NLRC3: variants seen among roughly 807,000 people sequenced by gnomAD.
The protein encoded by NLRC3 is NLR family CARD domain-containing protein 3.
NLRC3 carries 87 observed loss-of-function variants against 91.6 expected under a neutral mutation model. The ratio of observed to expected loss-of-function variants is 0.95; its 90% CI spans 0.80 to 1.14. The LOEUF (loss-of-function observed/expected upper bound fraction) is 1.14. NLRC3 is among the 50% of genes most tolerant of loss of function. The pLI is 0.00. For synonymous variants in NLRC3, 694 were observed against 625.3 expected (o/e 1.11, Z -1.64); for missense variants, 1,577 against 1,418.6 (o/e 1.11, Z -1.79).
At chr16:3,571,521 G>A (rs2040095333) in intron 1 of NLRC3, among the ~76,000 whole-genome samples, 1 of 149,004 alleles carries the variant, frequency 6.7e-6, no homozygotes, top group Non-Finnish European at 1.5e-5. Flanking sequence ...TCCAGCTTGG[G>A]TGACAGAGCA....
chr16:3,556,280 A>T (rs1265353669), intron 8 of NLRC3, among the ~76,000 whole-genome samples: 1 of 126,004 alleles, frequency 7.9e-6, no homozygotes, highest in Non-Finnish European at 1.6e-5. Context: ...GCAGTGAGAC[A>T]AGATCTCCAG....
Position 3,549,694 on chromosome 16 carries a change from T to C in NLRC3, c.2519+3A>G. On this transcript the variant is annotated splice_donor_region_variant and intron_variant, in intron 12 of 19. Coordinates refer to ENST00000359128, the MANE Select transcript of NLRC3 (RefSeq NM_178844.4). ...CTGTTTGGAGAGGGTGGCCAGGACT[T>C]ACCTGAGGCTGAGGAGGGTCTGGTT... The C allele has an allele frequency of 6.5e-7, 1 of 1,549,738 alleles. No homozygotes were observed. The highest frequency in any genetic ancestry group is 8.7e-7 in the Non-Finnish European group (1 of 1,145,346).
intron 6 of NLRC3, among the ~76,000 whole-genome samples, chr16:3,560,821 G>A (rs1375320861): frequency 3.3e-5 from 5 of 151,270 alleles, no homozygotes; most frequent in Admixed American, 6.6e-5. Context: ...CACCACGCCC[G>A]GCTAATTTTT....
intron 8 of NLRC3, among the ~76,000 whole-genome samples, chr16:3,556,229 G>A (rs1424554143): frequency 2.8e-5 from 4 of 143,354 alleles, no homozygotes; most frequent in Non-Finnish European, 4.5e-5. Context: ...TACTTGGAAG[G>A]CTGAGGCAGG....
In NLRC3 at chr16:3,548,532, C is replaced by T. The variant is rs1456378201; in HGVS notation, c.2687+138G>A. On this transcript the variant is annotated intron_variant, in intron 14 of 19. Transcript: ENST00000359128. Reference sequence around the variant, plus strand: ...AGGATGGGGCACAGTCTGCTGGCAGCAGGCTAGCCCGGGCAGCCCCTGAGA... The same window carrying T: ...AGGATGGGGCACAGTCTGCTGGCAGTAGGCTAGCCCGGGCAGCCCCTGAGA... 1.4e-5 allele frequency: 9 copies of T among 663,792 alleles called. No individual in the cohort carries two copies. In the East Asian group the frequency reaches 1.9e-4, roughly 14 times the overall value. 41.1% of individuals were successfully genotyped at this position (663,792 alleles called of 1,614,324 possible).
chr16:3,545,358 G>A (rs2038638371), intron 15 of NLRC3: 1 of 152,006 alleles, frequency 6.6e-6, no homozygotes, highest in Non-Finnish European at 1.5e-5. Flanking sequence ...AAATTAGCTG[G>A]GAGTGGTGGA....
chr16:3,565,086 T>C (rs1430660814), intron 3 of NLRC3, 26 bp from the exon 4 acceptor site: 1 of 1,550,624 alleles, frequency 6.4e-7, no homozygotes, highest in Non-Finnish European at 8.8e-7. Flanking sequence ...CTGAACCTGC[T>C]GCCTGCCGTG....
chr16:3,577,042 C>T (rs1410924104), intron 1 of NLRC3, 107 bp downstream of exon 1: 4 of 697,944 alleles, frequency 5.7e-6, no homozygotes, highest in East Asian at 2.7e-5. Context: ...TGGAGTCTCC[C>T]CAGTCCCCCT....
chr16:3,575,013 C>T (rs1036155246), intron 1 of NLRC3, among the ~76,000 whole-genome samples: 21 of 152,096 alleles, frequency 1.4e-4, no homozygotes, highest in Non-Finnish European at 2.8e-4. Flanking sequence ...TTCAGATAAA[C>T]GACATATAAT....
At position 3,557,681 on chromosome 16, in the gene NLRC3, C is replaced by A; in HGVS notation, c.2016-5G>T. 6.2e-7 allele frequency: 1 copy of A among 1,607,672 alleles called. No individual in the cohort carries two copies. Among genetic ancestry groups the A allele is most frequent in the Non-Finnish European group, 8.5e-7 (1 of 1,174,612 alleles). On this transcript the variant is annotated splice_region_variant and splice_polypyrimidine_tract_variant and intron_variant, in intron 6 of 19. Transcript: ENST00000359128. ...CTGATCTGGTTCTCCGCCAAGCTGC[C>A]CAAGGAAAGGGAGAGGAGTGGTTAT...
intron 14 of NLRC3, 118 bp from the exon 15 acceptor site, chr16:3,548,336 C>G: frequency 5.2e-6 from 4 of 776,172 alleles, no homozygotes; most frequent in Non-Finnish European, 8.6e-6. Context: ...CAGGAGAATT[C>G]CTGCAACCCC....
At chr16:3,559,840 G>A (rs2039524740) in intron 6 of NLRC3, among the ~76,000 whole-genome samples, 1 of 151,434 alleles carries the variant, frequency 6.6e-6, no homozygotes, top group African/African-American at 2.4e-5. Context: ...ACAGGGTTTT[G>A]CCAGTTTGAC....
At chr16:3,550,116 C>T (rs907093047) in intron 11 of NLRC3, among the ~76,000 whole-genome samples, 1 of 152,186 alleles carries the variant, frequency 6.6e-6, no homozygotes, top group East Asian at 1.9e-4. Flanking sequence ...GTGGGTGTAG[C>T]GCTGAGCTCT....
chr16:3,563,803 C>T lies in NLRC3; in HGVS notation c.1134G>A (p.Glu378=), dbSNP rs746746148. 10 of 1,610,892 alleles carry T rather than the reference C, an allele frequency of 6.2e-6. No individual in the cohort carries two copies. The highest frequency in any genetic ancestry group is 3.3e-5 in the South Asian group (3 of 90,812). Residue 378 remains glutamate (E), a synonymous_variant, in exon 5 of 20, where the codon GAG becomes GAA. Transcript: ENST00000359128. The part of the protein sequence containing the change: ...FRMALSGEGQ[E]KGKASPRIEQ... The stretch of plus-strand genomic sequence containing the variant: ...CGATGCGAGGGCTTGCCTTGCCCTT[C>T]TCCTGCCCCTCCCCGCTGAGGGCCA...
At chr16:3,565,141 C>T (rs141152332) in intron 3 of NLRC3, 81 bp from the exon 4 acceptor site, 20 of 1,082,504 alleles carry the variant, frequency 1.8e-5, no homozygotes, top group East Asian at 1.0e-4. Flanking sequence ...TCCCCAGGAA[C>T]GGGGTCAGGG....
intron 5 of NLRC3, 178 bp downstream of exon 5, chr16:3,562,831 C>T: frequency 1.4e-6 from 1 of 708,798 alleles, no homozygotes; most frequent in Non-Finnish European, 2.5e-6. Context: ...TGATTTGAGA[C>T]TTCTGGCCTC....
At chr16:3,549,491 C>T (rs989997080) in intron 12 of NLRC3, among the ~76,000 whole-genome samples, 4 of 152,090 alleles carry the variant, frequency 2.6e-5, no homozygotes, top group African/African-American at 7.2e-5. Context: ...GGTGGCTCAG[C>T]GTGCATCTGG....
In NLRC3 at chr16:3,565,301, C is replaced by T; in HGVS notation, c.-25+18G>A. ...GATAACTGGGGCCCTGAGCTTGTAC[C>T]CCGGCCCTGCCACTTACCAGATAGG... On this transcript the variant is annotated intron_variant, in intron 3 of 19. Transcript: ENST00000359128. 1 of 667,576 alleles carries T rather than the reference C, an allele frequency of 1.5e-6. No individual in the cohort carries two copies. The allele number at this position is 667,576 out of a possible 1,614,324, so 41.4% of individuals were successfully genotyped here.
At chr16:3,573,011 CAAAAAA>C (rs58940028) in intron 1 of NLRC3, among the ~76,000 whole-genome samples, 3 of 75,264 alleles carry the variant, frequency 4.0e-5, no homozygotes, top group African/African-American at 1.0e-4. Context: ...GACTCTATCT[CAAAAAA>C]AAAAAAAAAA....
Sources: allele counts gnomAD v4.1 joint callset (sites outside exome capture counted in the v4.1 genomes callset), GRCh38; gene constraint gnomAD v4.1.1; transcripts MANE v1.5; gene names NCBI Gene and HGNC (gene_info 2026-07-23, HGNC 2026-07-21).